Variants in GRAMD2A observed in about 807,000 individuals in gnomAD.
GRAMD2A encodes GRAM domain containing 2A, also known as GRAM domain-containing protein 2A.
Under a neutral mutation model 51.1 loss-of-function variants are expected in GRAMD2A, and 37 were observed. The ratio of observed to expected loss-of-function variants is 0.72; its 90% CI spans 0.56 to 0.95. The LOEUF is 0.95. Among genes scored for constraint, GRAMD2A ranks in the 40% least tolerant of loss-of-function variants. The probability of loss-of-function intolerance (pLI) is 0.00; values close to 1 mark genes in which losing one functional copy is unlikely to be tolerated. For synonymous variants in GRAMD2A, 136 were observed against 157.1 expected (o/e 0.87, Z 1.01); for missense variants, 414 against 426.9 (o/e 0.97, Z 0.27).
chr15:72,164,419 T>A (rs964433467), intron 8 of GRAMD2A, among the ~76,000 whole-genome samples: 1 of 151,630 alleles, frequency 6.6e-6, no homozygotes, highest in African/African-American at 2.4e-5. Context: ...TTATTTTTTT[T>A]TTTTTTGACA....
intron 1 of GRAMD2A, among the ~76,000 whole-genome samples, chr15:72,186,328 A>G (rs1045664543): frequency 6.9e-6 from 1 of 144,764 alleles, no homozygotes; most frequent in Admixed American, 6.9e-5. Flanking sequence ...TATTTATTTA[A>G]TTTTTTTTTT....
At chr15:72,176,852 T>C (rs1453945310) in intron 1 of GRAMD2A, among the ~76,000 whole-genome samples, 1 of 133,940 alleles carries the variant, frequency 7.5e-6, no homozygotes, top group Non-Finnish European at 1.6e-5. Flanking sequence ...TCACCTGCAG[T>C]GCTTTTTTTT....
chr15:72,164,951 C>T (rs1435816746), intron 8 of GRAMD2A, among the ~76,000 whole-genome samples: 1 of 152,182 alleles, frequency 6.6e-6, no homozygotes, highest in Non-Finnish European at 1.5e-5. Flanking sequence ...TCAGCTTGGC[C>T]AACGTGGTGA....
At chr15:72,193,667 C>T (rs981299160) in intron 1 of GRAMD2A, among the ~76,000 whole-genome samples, 4 of 152,034 alleles carry the variant, frequency 2.6e-5, no homozygotes, top group South Asian at 2.1e-4. Flanking sequence ...GGACTACAGG[C>T]GCCCACCACC....
rs543485047 is a variant in GRAMD2A, at chr15:72,169,240, T to C, written c.135-244A>G. ...GTCGCCAAGGGCCCACCTTCCCCAG[T>C]GCGGGTGAGCAGCATCTCCTGGAGG... On this transcript the variant is annotated intron_variant, in intron 2 of 11. Coordinates refer to ENST00000309731, the MANE Select transcript of GRAMD2A (RefSeq NM_001012642.3). 447 of 566,288 alleles carry C rather than the reference T, an allele frequency of 7.9e-4. 1 individual carries two copies. Among genetic ancestry groups the C allele is most frequent in the Middle Eastern group, 4.8e-3 (10 of 2,088 alleles). 35.1% of individuals were successfully genotyped at this position (566,288 alleles called of 1,614,324 possible). A position where few individuals can be genotyped will look rare whatever the true frequency, so the allele number is the denominator to read the frequency against.
At chr15:72,162,515 G>C in intron 10 of GRAMD2A, 138 bp from the exon 11 acceptor site, 1 of 624,010 alleles carries the variant, frequency 1.6e-6, no homozygotes, top group South Asian at 1.9e-5. Context: ...AGCCAGTTCA[G>C]GCCTCAGCAT....
At chr15:72,189,373 A>T (rs1000674514) in intron 1 of GRAMD2A, among the ~76,000 whole-genome samples, 2 of 152,240 alleles carry the variant, frequency 1.3e-5, no homozygotes, top group South Asian at 2.1e-4. Context: ...GAGTGCATGT[A>T]AAACTAGTGA....
intron 1 of GRAMD2A, among the ~76,000 whole-genome samples, chr15:72,184,705 C>T (rs904804753): frequency 1.3e-5 from 2 of 152,228 alleles, no homozygotes; most frequent in African/African-American, 4.8e-5. Context: ...CAGGGAGAAC[C>T]CCAGATTGTC....
intron 1 of GRAMD2A, among the ~76,000 whole-genome samples, chr15:72,185,494 T>C (rs933972464): frequency 2.0e-5 from 3 of 152,224 alleles, no homozygotes; most frequent in Non-Finnish European, 4.4e-5. Flanking sequence ...ATTCCTGGCC[T>C]GAGTCAAAGT....
intron 1 of GRAMD2A, among the ~76,000 whole-genome samples, chr15:72,184,091 C>G (rs2081717822): frequency 6.6e-6 from 1 of 152,254 alleles, no homozygotes; most frequent in Admixed American, 6.5e-5. Flanking sequence ...AGGATTGCAT[C>G]TTTCTCTCCT....
chr15:72,187,092 T>C (rs897347356), intron 1 of GRAMD2A, among the ~76,000 whole-genome samples: 23 of 150,360 alleles, frequency 1.5e-4, no homozygotes, highest in East Asian at 5.8e-4. Flanking sequence ...ACCCCAGAGG[T>C]AGAGGTAGAG....
In GRAMD2A at chr15:72,166,701, A is replaced by G. The variant is rs1567082376; in HGVS notation, c.474T>C (p.Tyr158=). ...CCCGGGAGAGCAGTGACACAAAGAT[A>G]TACTGGGACATGGAAAGAAAACAGA... ...LAITTNTSQK[Y]IFVSLLSRDS... is the part of the protein sequence containing the mutation. The change falls in exon 7 of 12, where the codon TAT becomes TAC. Residue 158 remains tyrosine (Y), a splice_region_variant and synonymous_variant. Transcript: ENST00000309731. The surrounding 1 kb of genome is among the most constrained non-coding windows in gnomAD (Gnocchi z 4.1). 6.2e-7 allele frequency: 1 copy of G among 1,612,522 alleles called. No individual in the cohort carries two copies. Among genetic ancestry groups the G allele is most frequent in the Non-Finnish European group, 8.5e-7 (1 of 1,179,164 alleles).
Position 72,165,393 on chromosome 15 carries a change from A to ACTCTTCTTG in GRAMD2A, c.552_560dup (p.Lys185_Ser187dup). 6.2e-7 allele frequency: 1 copy of ACTCTTCTTG among 1,613,520 alleles called. No homozygotes were observed. Among genetic ancestry groups the ACTCTTCTTG allele is most frequent in the Non-Finnish European group, 8.5e-7 (1 of 1,179,868 alleles). The stretch of plus-strand genomic sequence containing the variant: ...CCCCTGAAAATTCTCTTACACTCAG[A>ACTCTTCTTG]CTCTTCTTGCTGGAAGGCTGAGGAG... On this transcript the variant is annotated inframe_insertion, in exon 8 of 12. Transcript: ENST00000309731.
chr15:72,162,248 G>T, intron 11 of GRAMD2A, 25 bp downstream of exon 11: 3 of 1,530,966 alleles, frequency 2.0e-6, no homozygotes, highest in South Asian at 1.1e-5. Context: ...AATATCAAAG[G>T]CATTAGAAAG....
intron 1 of GRAMD2A, among the ~76,000 whole-genome samples, chr15:72,190,236 G>A (rs1017937376): frequency 1.3e-5 from 2 of 152,130 alleles, no homozygotes; most frequent in African/African-American, 2.4e-5. Flanking sequence ...AAAAATAGCC[G>A]GGCGTGGTGG....
At position 72,162,658 on chromosome 15, in the gene GRAMD2A, C is replaced by G. The variant is rs150731777; in HGVS notation, c.957-281G>C. The stretch of plus-strand genomic sequence containing the variant: ...TGGCCAGACAGCCAGATCAGTCATC[C>G]TACCCTCTCTCTCACCAGCCATGGT... On this transcript the variant is annotated intron_variant, in intron 10 of 11. Transcript: ENST00000309731. The G allele has an allele frequency of 1.0e-3, 331 of 325,504 alleles. 3 individuals carry two copies. In the East Asian group the frequency reaches 0.018, roughly 17 times the overall value. The allele number at this position is 325,504 out of a possible 1,614,324, so 20.2% of individuals were successfully genotyped here.
intron 1 of GRAMD2A, among the ~76,000 whole-genome samples, chr15:72,188,342 A>G (rs2081747345): frequency 6.7e-6 from 1 of 148,610 alleles, no homozygotes; most frequent in Admixed American, 6.7e-5. Flanking sequence ...GTCTCAAAGA[A>G]AAAAAAAAAA....
intron 1 of GRAMD2A, among the ~76,000 whole-genome samples, chr15:72,184,188 A>C (rs2081718819): frequency 6.6e-6 from 1 of 152,172 alleles, no homozygotes; most frequent in African/African-American, 2.4e-5. Flanking sequence ...CCAGTTCCCC[A>C]AGCCACCTTC....
chr15:72,193,181 G>A (rs146848282), intron 1 of GRAMD2A, among the ~76,000 whole-genome samples: 4 of 151,364 alleles, frequency 2.6e-5, no homozygotes, highest in Admixed American at 6.6e-5. Context: ...TGGTTCAGTC[G>A]CCACAGGTTA....
Sources: gnomAD v4.1 joint callset for allele counts (sites outside exome capture counted in the v4.1 genomes callset) on GRCh38, gnomAD v4.1.1 for gene constraint, Gnocchi (gnomAD v3.1) non-coding constraint, MANE v1.5 for transcripts, NCBI Gene and HGNC (gene_info 2026-07-23, HGNC 2026-07-21) for gene names.